NBEAL1: variants seen among roughly 807,000 people sequenced by gnomAD.
NBEAL1 encodes neurobeachin like 1.
NBEAL1 carries 273 observed loss-of-function variants against 351.3 expected under a neutral mutation model. That is an observed-to-expected ratio of 0.78 (90% confidence interval 0.70 to 0.86). The LOEUF (loss-of-function observed/expected upper bound fraction) is 0.86, where lower values mean the gene tolerates loss of function less well. Ranked by LOEUF, NBEAL1 falls within the 40% of genes least tolerant of loss-of-function variation. The pLI is 0.00. For missense variants in NBEAL1, 2,961 were observed against 3,201.3 expected (o/e 0.92, Z 1.81); for synonymous variants, 1,050 against 1,086.4 (o/e 0.97, Z 0.66).
chr2:203,077,663 C>T, intron 7 of NBEAL1, 89 bp from the exon 8 acceptor site: 1 of 740,516 alleles, frequency 1.4e-6, no homozygotes, highest in South Asian at 3.6e-5. Flanking sequence ...ACAAATAGTT[C>T]TTCGTGTTTG....
intron 45 of NBEAL1, 124 bp downstream of exon 45, chr2:203,188,713 T>C: frequency 1.7e-6 from 1 of 577,110 alleles, no homozygotes; most frequent in Non-Finnish European, 3.0e-6. Flanking sequence ...ATCTTTTTAC[T>C]TGAAAGATTA....
At chr2:203,190,188 ACACACACACACACACACACAC>A in intron 45 of NBEAL1, 83 bp from the exon 46 acceptor site, 3 of 630,268 alleles carry the variant, frequency 4.8e-6, no homozygotes, top group South Asian at 1.9e-5. Context: ...ACACACACAC[ACACACACACACACACACACAC>A]CAATGAGCCT....
At chr2:203,141,731 C>T (rs143652692) in intron 31 of NBEAL1, among the ~76,000 whole-genome samples, 26 of 152,022 alleles carry the variant, frequency 1.7e-4, no homozygotes, top group African/African-American at 6.0e-4. Context: ...TAAAACATTT[C>T]TCACTAGCCT....
rs2062689359 is a variant in NBEAL1, at chr2:203,116,046, C to T, written c.2568C>T (p.Asn856=). The change falls in exon 18 of 56, where the codon AAC becomes AAT. Residue 856 remains asparagine (N), a synonymous_variant. Transcript: ENST00000683969. Reference sequence around the variant, plus strand: ...CTGACATGGCCGACCTGCCTGGTAACATCCTTCTTTACTACACAGCAAAGG... The same window carrying T: ...CTGACATGGCCGACCTGCCTGGTAATATCCTTCTTTACTACACAGCAAAGG... ...QESDMADLPG[N]ILLYYTAKAC... is the part of the protein sequence containing the mutation. 1.3e-6 allele frequency: 2 copies of T among 1,553,530 alleles called. No homozygotes were observed. The highest frequency in any genetic ancestry group is 3.3e-4 in the Middle Eastern group (2 of 5,996).
chr2:203,061,013 A>C (rs1020780152), intron 6 of NBEAL1, among the ~76,000 whole-genome samples: 4 of 152,340 alleles, frequency 2.6e-5, no homozygotes, highest in Non-Finnish European at 5.9e-5. Flanking sequence ...ATTTTTCAAA[A>C]ATGAGTTCTT....
intron 10 of NBEAL1, among the ~76,000 whole-genome samples, chr2:203,089,358 CAA>C (rs773856301): frequency 1.3e-4 from 15 of 118,240 alleles, no homozygotes; most frequent in Non-Finnish European, 2.0e-4. Flanking sequence ...GACTCCATCT[CAA>C]AAAAAAAAAA....
chr2:203,097,005 TC>T (rs1474907438), intron 10 of NBEAL1, among the ~76,000 whole-genome samples: 1 of 152,236 alleles, frequency 6.6e-6, no homozygotes, highest in East Asian at 1.9e-4. Flanking sequence ...TTTAATGAAC[TC>T]ACGGTTTCTT....
intron 38 of NBEAL1, among the ~76,000 whole-genome samples, 195 bp downstream of exon 38, chr2:203,167,555 G>C (rs1419136891): frequency 1.3e-5 from 2 of 152,066 alleles, no homozygotes; most frequent in Non-Finnish European, 2.9e-5. Context: ...GGGGAGCTCA[G>C]TTTTTATATA....
chr2:203,152,265 T>G (rs2063675810), intron 35 of NBEAL1, among the ~76,000 whole-genome samples: 1 of 151,724 alleles, frequency 6.6e-6, no homozygotes, highest in Non-Finnish European at 1.5e-5. Flanking sequence ...GCCATAATTC[T>G]TAGCAATCCT....
rs113999552 is a variant in NBEAL1, at chr2:203,097,006, C to T, written c.1099-541C>T. Among the ~76,000 whole-genome samples the T allele has an allele frequency of 2.6e-5, 4 of 152,256 alleles. No individual in the cohort carries two copies. In the South Asian group the frequency reaches 8.3e-4, roughly 32 times the overall value. On this transcript the variant is annotated intron_variant, in intron 10 of 55. Coordinates refer to ENST00000683969, the MANE Select transcript of NBEAL1 (RefSeq NM_001378026.1). Reference sequence around the variant, plus strand: ...ACAATTTACAAAAGTTTAATGAACTCACGGTTTCTTGTGGCTGAGGAGGCC... The same window carrying T: ...ACAATTTACAAAAGTTTAATGAACTTACGGTTTCTTGTGGCTGAGGAGGCC...
At chr2:203,180,861 C>G (rs1387181400) in intron 43 of NBEAL1, 1 of 158,130 alleles carries the variant, frequency 6.3e-6, no homozygotes, top group Non-Finnish European at 1.4e-5. Context: ...CAGCTGACTA[C>G]AGGTCTGTTA....
At chr2:203,190,952 T>C in intron 46 of NBEAL1, 1 of 1,609,634 alleles carries the variant, frequency 6.2e-7, no homozygotes, top group South Asian at 1.1e-5. Context: ...GGCCTGAGGA[T>C]TACAGTGAAA....
intron 35 of NBEAL1, among the ~76,000 whole-genome samples, chr2:203,157,471 TAG>T (rs1406586852): frequency 6.6e-6 from 1 of 152,126 alleles, no homozygotes; most frequent in African/African-American, 2.4e-5. Flanking sequence ...TTATTAAAAA[TAG>T]ATACTATTAT....
At position 203,223,320 on chromosome 2, in the gene NBEAL1, T is replaced by C. The variant is rs1334144454; in HGVS notation, c.*5966T>C. On this transcript the variant is annotated 3_prime_UTR_variant, in exon 56 of 56. Transcript: ENST00000683969. Reference sequence around the variant, plus strand: ...GTTTTTCATGGTACGGTTTTCATGTTTCCTTGGAAACATATTTTGCAAATA... The same window carrying C: ...GTTTTTCATGGTACGGTTTTCATGTCTCCTTGGAAACATATTTTGCAAATA... 6.6e-6 allele frequency among the ~76,000 whole-genome samples: 1 copy of C among 152,142 alleles called. No individual in the cohort carries two copies. Among genetic ancestry groups the C allele is most frequent in the Non-Finnish European group, 1.5e-5 (1 of 67,982 alleles).
At position 203,083,391 on chromosome 2, in the gene NBEAL1, A is replaced by C; in HGVS notation, c.857A>C (p.Gln286Pro). 1 of 1,555,486 alleles carries C rather than the reference A, an allele frequency of 6.4e-7. No individual in the cohort carries two copies. Among genetic ancestry groups the C allele is most frequent in the Non-Finnish European group, 8.7e-7 (1 of 1,147,990 alleles). ...ATCCTTCTCAGTAGCAACTCTGATC[A>C]GCGTCAAGTGGAAACCAGTACTATT... ...VHILLSSNSD[Q>P]RQVETSTILE... The change falls in exon 9 of 56, where the codon CAG (glutamine) becomes CCG (proline). Residue 286 changes from glutamine to proline, a missense_variant. Physicochemically the swap from Gln to Pro is moderately conservative, Grantham distance 76. Coordinates refer to ENST00000683969, the MANE Select transcript of NBEAL1 (RefSeq NM_001378026.1).
In NBEAL1 at chr2:203,219,821, G is replaced by C. The variant is rs912395946; in HGVS notation, c.*2467G>C. The C allele has an allele frequency of 6.6e-6, 1 of 151,932 alleles. No homozygotes were observed. The highest frequency in any genetic ancestry group is 2.4e-5 in the African/African-American group (1 of 41,342). The allele number at this position is 151,932 out of a possible 1,614,324, so 9.4% of individuals were successfully genotyped here. A position where few individuals can be genotyped will look rare whatever the true frequency, so the allele number is the denominator to read the frequency against. On this transcript the variant is annotated 3_prime_UTR_variant, in exon 56 of 56. Transcript: ENST00000683969. ...TGCAGTGACCTGAGATCACGCTACT[G>C]CACTCCAGCTTGGGCAACAGAGTGA...
chr2:203,211,063 A>G lies in NBEAL1; in HGVS notation c.7891A>G (p.Thr2631Ala). 6.2e-7 allele frequency: 1 copy of G among 1,607,510 alleles called. No homozygotes were observed. Among genetic ancestry groups the G allele is most frequent in the African/African-American group, 1.3e-5 (1 of 74,908 alleles). Residue 2631 changes from threonine to alanine, a missense_variant, in exon 54 of 56, where the codon ACA becomes GCA. Physicochemically the swap from Thr to Ala is moderately conservative, Grantham distance 58 (BLOSUM62 0). Coordinates refer to ENST00000683969, the MANE Select transcript of NBEAL1 (RefSeq NM_001378026.1). ...ATGTATAATCGGAGAACACATTGTC[A>G]CAGGCAGCATACAAGGATTCCTGTC... is the stretch of plus-strand genomic sequence containing the variant. ...DICIIGEHIV[T>A]GSIQGFLSIR...
In NBEAL1 at chr2:203,151,588, G is replaced by A. The variant is rs2063655034; in HGVS notation, c.5586G>A (p.Leu1862=). The A allele has an allele frequency of 1.3e-6, 2 of 1,596,020 alleles. No individual in the cohort carries two copies. Among genetic ancestry groups the A allele is most frequent in the South Asian group, 1.1e-5 (1 of 87,088 alleles). Reference sequence around the variant, plus strand: ...AAGCTAGTGCCTTGAGAGATAATCTGGGTGAGTTCCAATGACTGTTTAATT... The same window carrying A: ...AAGCTAGTGCCTTGAGAGATAATCTAGGTGAGTTCCAATGACTGTTTAATT... ...HEEASALRDN[L]GIQHSQPSSD... is the part of the protein sequence containing the mutation. Residue 1862 remains leucine, a splice_region_variant and synonymous_variant, in exon 35 of 56, where the codon CTG becomes CTA. Coordinates refer to ENST00000683969, the MANE Select transcript of NBEAL1 (RefSeq NM_001378026.1).
chr2:203,016,567 T>C, intron 2 of NBEAL1, 132 bp downstream of exon 2: 1 of 511,342 alleles, frequency 2.0e-6, no homozygotes, highest in Non-Finnish European at 3.2e-6. Context: ...CTTAAAAGCG[T>C]TTAAAGGATT....
Sources: gnomAD v4.1 joint callset for allele counts (sites outside exome capture counted in the v4.1 genomes callset) on GRCh38, gnomAD v4.1.1 for gene constraint, MANE v1.5 for transcripts, NCBI Gene and HGNC (gene_info 2026-07-23, HGNC 2026-07-21) for gene names.